The following RILPL1 variants were observed in gnomAD, a reference collection of about 807,000 sequenced individuals.
RILPL1 encodes Rab interacting lysosomal protein like 1, also known as RILP-like protein 1.
Under a neutral mutation model 50.3 loss-of-function variants are expected in RILPL1, and 33 were observed. The observed-to-expected ratio is 0.66, with a 90% CI of 0.50 to 0.88. RILPL1 has a LOEUF of 0.88. RILPL1 is among the 40% of genes least tolerant of loss of function. The pLI, the probability that RILPL1 is intolerant of heterozygous loss-of-function variation, is 0.00. For synonymous variants in RILPL1, 205 were observed against 228.6 expected, an observed-to-expected ratio of 0.90 and a Z score of 0.93; for missense variants, 418 against 542.5, an observed-to-expected ratio of 0.77 and a Z score of 2.28.
chr12:123,517,394 G>A (rs1328260603), intron 2 of RILPL1, among the ~76,000 whole-genome samples: 2 of 151,240 alleles, frequency 1.3e-5, no homozygotes, highest in African/African-American at 2.4e-5. Flanking sequence ...GAAAGGCCCA[G>A]AGAGAGGGCA....
At chr12:123,527,972 G>A (rs868193741) in intron 1 of RILPL1, among the ~76,000 whole-genome samples, 8 of 152,164 alleles carry the variant, frequency 5.3e-5, no homozygotes, top group Middle Eastern at 3.4e-3. Flanking sequence ...TCTGACGTCC[G>A]GAAATTTCTC....
At chr12:123,481,264 G>A (rs754689619) in intron 6 of RILPL1, among the ~76,000 whole-genome samples, 2 of 151,882 alleles carry the variant, frequency 1.3e-5, no homozygotes, top group African/African-American at 2.4e-5. Flanking sequence ...GGCTGAGACA[G>A]GAGAGAACTG....
In RILPL1 at chr12:123,533,261, C is replaced by A. The variant is rs756340595; in HGVS notation, c.222G>T (p.Ala74=). 1.6e-5 allele frequency: 25 copies of A among 1,591,248 alleles called. No individual in the cohort carries two copies. The East Asian group carries it at 2.3e-4, about 14-fold the overall frequency. ...CCAGGCGCAGCTCGTCCAGCTCGGG[C>A]GCGACGTGGTGGCGGCTGACCAGCA... The part of the protein sequence containing the change: ...LEVLVSRHHV[A]PELDELRLEL... The change falls in exon 1 of 7, where the codon GCG becomes GCT. Residue 74 remains alanine, a synonymous_variant. Transcript: ENST00000376874. The surrounding 1 kb of genome is among the most constrained non-coding windows in gnomAD (Gnocchi z 6.2).
intron 2 of RILPL1, among the ~76,000 whole-genome samples, chr12:123,503,186 C>CTTTTTTTTTTTTTT (rs373514624): frequency 2.5e-5 from 2 of 80,740 alleles, no homozygotes; most frequent in African/African-American, 5.6e-5. Flanking sequence ...CACGCCTGGC[C>CTTTTTTTTTTTTTT]TTTTTTTTTT....
intron 2 of RILPL1, among the ~76,000 whole-genome samples, chr12:123,521,556 TATATATTAATATATATACACAC>T (rs1885008718): frequency 1.8e-5 from 1 of 56,282 alleles, no homozygotes; most frequent in Non-Finnish European, 3.5e-5. Flanking sequence ...TATGTGTGTA[TATATATTAATATATATACACAC>T]ATATGTGTAT....
intron 4 of RILPL1, among the ~76,000 whole-genome samples, chr12:123,493,016 G>A (rs1017530869): frequency 6.6e-6 from 1 of 152,134 alleles, no homozygotes; most frequent in South Asian, 2.1e-4. Flanking sequence ...CCCCCAGCCC[G>A]ACACCTGTAA....
At position 123,489,341 on chromosome 12, in the gene RILPL1, G is replaced by T. The variant is rs775415572; in HGVS notation, c.802-3536C>A. Among the ~76,000 whole-genome samples, 68 of 152,118 alleles carry T rather than the reference G, an allele frequency of 4.5e-4. No homozygotes were observed. Among genetic ancestry groups the T allele is most frequent in the Non-Finnish European group, 8.5e-4 (58 of 68,026 alleles). On this transcript the variant is annotated intron_variant, in intron 4 of 6. Coordinates refer to ENST00000376874, the MANE Select transcript of RILPL1 (RefSeq NM_178314.5). This position sits in a 1 kb window ranked among gnomAD's most constrained non-coding sequence, Gnocchi z 4.0. ...GTTCGAGACCAGCCTGGACAACATG[G>T]TGAAACGCTATCTCTACTGAAAATA... is the stretch of plus-strand genomic sequence containing the variant.
chr12:123,472,577 A>G lies in RILPL1; in HGVS notation c.1173T>C (p.Gly391=), dbSNP rs2139299169. The change falls in exon 7 of 7, where the codon GGT becomes GGC. Residue 391 remains glycine, a synonymous_variant. Coordinates refer to ENST00000376874, the MANE Select transcript of RILPL1 (RefSeq NM_178314.5). The part of the protein sequence containing the change: ...GQWANTHRDD[G]YTEQGQEALQ... ...GGGCTTCCTGTCCTTGCTCTGTGTAACCGTCATCGCGGTGGGTGTTTGCCC... is the reference window on the plus strand; with the variant it reads ...GGGCTTCCTGTCCTTGCTCTGTGTAGCCGTCATCGCGGTGGGTGTTTGCCC... 1 of 1,555,148 alleles carries G rather than the reference A, an allele frequency of 6.4e-7. No individual in the cohort carries two copies. The highest frequency in any genetic ancestry group is 8.7e-7 in the Non-Finnish European group (1 of 1,148,796).
At chr12:123,493,893 T>G (rs1882856234) in intron 4 of RILPL1, among the ~76,000 whole-genome samples, 1 of 151,602 alleles carries the variant, frequency 6.6e-6, no homozygotes, top group African/African-American at 2.4e-5. Flanking sequence ...CAAGCGATTC[T>G]CCTGCCTTCG....
chr12:123,479,562 C>T (rs1881821639), intron 6 of RILPL1, among the ~76,000 whole-genome samples: 1 of 152,324 alleles, frequency 6.6e-6, no homozygotes, highest in East Asian at 1.9e-4. Context: ...CTCCCAGCCT[C>T]TGGGCTCACA....
intron 2 of RILPL1, among the ~76,000 whole-genome samples, chr12:123,501,289 T>G (rs1244833656): frequency 6.6e-6 from 1 of 151,328 alleles, no homozygotes; most frequent in East Asian, 2.0e-4. Flanking sequence ...GATTTTTTTT[T>G]TTTTAACTAG....
intron 1 of RILPL1, among the ~76,000 whole-genome samples, chr12:123,528,423 G>A (rs112945832): frequency 0.2 from 25,221 of 129,090 alleles, 2,369 homozygotes; most frequent in Middle Eastern, 0.3. Flanking sequence ...TGATTTTTTT[G>A]TTGTTGTTTG....
chr12:123,506,548 C>T (rs542907949), intron 2 of RILPL1, among the ~76,000 whole-genome samples: 2 of 152,150 alleles, frequency 1.3e-5, no homozygotes, highest in South Asian at 4.1e-4. Context: ...GGGAAAGGAC[C>T]CTGCAGTGCA....
At chr12:123,529,110 C>G (rs1885362979) in intron 1 of RILPL1, among the ~76,000 whole-genome samples, 2 of 152,220 alleles carry the variant, frequency 1.3e-5, no homozygotes, top group Non-Finnish European at 2.9e-5. Context: ...CTAGCCACGT[C>G]TTCTGCCTAG....
intron 2 of RILPL1, chr12:123,514,439 A>T (rs13303242): frequency 0.3 from 40,008 of 135,466 alleles, 6,676 homozygotes; most frequent in African/African-American, 0.48. Flanking sequence ...AAAAAAAAAA[A>T]TTTTTTTTTT....
At position 123,485,845 on chromosome 12, in the gene RILPL1, C is replaced by T. The variant is rs1443173943; in HGVS notation, c.802-40G>A. ...GATGCTGCTAATGAATTCTTGGCAG[C>T]CACTGCCAGCACCCACTCTCTATCC... On this transcript the variant is annotated intron_variant, in intron 4 of 6. Coordinates refer to ENST00000376874, the MANE Select transcript of RILPL1 (RefSeq NM_178314.5). This position sits in a 1 kb window ranked among gnomAD's most constrained non-coding sequence, Gnocchi z 4.0. The T allele has an allele frequency of 4.5e-6, 7 of 1,557,374 alleles. No homozygotes were observed. Among genetic ancestry groups the T allele is most frequent in the Non-Finnish European group, 6.1e-6 (7 of 1,152,632 alleles).
At chr12:123,476,711 C>T (rs1237157860) in intron 6 of RILPL1, among the ~76,000 whole-genome samples, 1 of 151,968 alleles carries the variant, frequency 6.6e-6, no homozygotes, top group Non-Finnish European at 1.5e-5. Context: ...AGGAGCTGAC[C>T]CTGCTGACGC....
Position 123,523,521 on chromosome 12 carries a change from G to A in RILPL1, c.434C>T (p.Ser145Leu). The A allele has an allele frequency of 6.2e-7, 1 of 1,614,012 alleles. No individual in the cohort carries two copies. The highest frequency in any genetic ancestry group is 1.1e-5 in the South Asian group (1 of 91,084). The change falls in exon 2 of 7, where the codon TCA (serine) becomes TTA (leucine). Residue 145 changes from serine (S) to leucine (L), a missense_variant. By Grantham distance (145) the Ser-to-Leu change is moderately radical. Transcript: ENST00000376874. ...TNLSHKDVNF[S>L]EEEFQKHEGM... ...TTCATGCTTCTGGAACTCCTCCTCT[G>A]AGAAATTGACATCCTTGTGGGAGAG...
At chr12:123,520,844 G>A (rs1025454424) in intron 2 of RILPL1, among the ~76,000 whole-genome samples, 12 of 152,154 alleles carry the variant, frequency 7.9e-5, no homozygotes, top group Admixed American at 5.2e-4. Context: ...GTCTGGAATC[G>A]TAAGCTCTTG....
Sources: allele counts gnomAD v4.1 joint callset (sites outside exome capture counted in the v4.1 genomes callset), GRCh38; gene constraint gnomAD v4.1.1; non-coding constraint Gnocchi (gnomAD v3.1); transcripts MANE v1.5; gene names NCBI Gene and HGNC (gene_info 2026-07-23, HGNC 2026-07-21).